COLQ: variants seen among roughly 807,000 people sequenced by gnomAD.
COLQ encodes collagen like tail subunit of asymmetric acetylcholinesterase, also known as acetylcholinesterase collagenic tail peptide.
In COLQ, 48 loss-of-function variants were observed where a neutral mutation model predicts 69.0. The ratio of observed to expected loss-of-function variants is 0.70; its 90% CI spans 0.55 to 0.88. The LOEUF (loss-of-function observed/expected upper bound fraction) is 0.88, where lower values mean the gene tolerates loss of function less well. COLQ is among the 40% of genes least tolerant of loss of function. The pLI, the probability that COLQ is intolerant of heterozygous loss-of-function variation, is 0.00. For synonymous variants in COLQ, 217 were observed against 211.2 expected, an observed-to-expected ratio of 1.03 and a Z score of -0.24; for missense variants, 618 against 594.6, an observed-to-expected ratio of 1.04 and a Z score of -0.41.
intron 1 of COLQ, among the ~76,000 whole-genome samples, chr3:15,514,169 G>C (rs2125185035): frequency 6.6e-6 from 1 of 152,310 alleles, no homozygotes; most frequent in Non-Finnish European, 1.5e-5. Context: ...CTTGATTTCA[G>C]ACTTCTGACT....
intron 12 of COLQ, 57 bp from the exon 13 acceptor site, chr3:15,458,382 CA>C (rs1324388378): frequency 6.2e-7 from 1 of 1,605,024 alleles, no homozygotes; most frequent in Admixed American, 1.7e-5. Context: ...ACCAAACAAC[CA>C]GGGAGATGTG....
intron 12 of COLQ, among the ~76,000 whole-genome samples, chr3:15,462,732 T>C (rs927092536): frequency 4.6e-5 from 7 of 152,130 alleles, no homozygotes; most frequent in African/African-American, 1.7e-4. Context: ...AGAGAGGCAA[T>C]GACCAGGGCT....
intron 10 of COLQ, among the ~76,000 whole-genome samples, chr3:15,472,161 G>T (rs969647822): frequency 6.6e-6 from 1 of 152,166 alleles, no homozygotes; most frequent in Admixed American, 6.5e-5. Flanking sequence ...AGTAAATGGT[G>T]CAGAGGACAG....
chr3:15,511,458 C>A (rs1230403784), intron 1 of COLQ, among the ~76,000 whole-genome samples: 1 of 152,228 alleles, frequency 6.6e-6, no homozygotes, highest in Non-Finnish European at 1.5e-5. Context: ...CTGGGGAAAG[C>A]ATTTCTGGGG....
chr3:15,496,802 C>T (rs555434901), intron 1 of COLQ, among the ~76,000 whole-genome samples: 4 of 152,196 alleles, frequency 2.6e-5, no homozygotes, highest in Non-Finnish European at 5.9e-5. Context: ...GGACTCAATA[C>T]CCATTCTTGA....
rs1172409117 is a variant in COLQ at position 15,456,581 on chromosome 3, T to A, written c.955-2A>T. 7 of 1,614,016 alleles carry A rather than the reference T, an allele frequency of 4.3e-6. No individual in the cohort carries two copies. Among genetic ancestry groups the A allele is most frequent in the Non-Finnish European group, 5.9e-6 (7 of 1,180,022 alleles). On this transcript the variant is annotated splice_acceptor_variant, in intron 13 of 16. Transcript: ENST00000383788. LOFTEE classifies it high-confidence loss of function. The stretch of plus-strand genomic sequence containing the variant: ...CTCCTGGTTGTTGACCACAAAAATC[T>A]GCCAGAGAACACACTGGTGAGGATT...
At chr3:15,463,900 C>T (rs1045670024) in intron 12 of COLQ, among the ~76,000 whole-genome samples, 42 of 152,302 alleles carry the variant, frequency 2.8e-4, no homozygotes, top group African/African-American at 1.0e-3. Flanking sequence ...AAATCTGATT[C>T]CCCTAACAAC....
At chr3:15,504,696 T>G (rs2062881800) in intron 1 of COLQ, among the ~76,000 whole-genome samples, 1 of 151,906 alleles carries the variant, frequency 6.6e-6, no homozygotes, top group African/African-American at 2.4e-5. Context: ...CCTTCTCTAC[T>G]AAAAAATACA....
intron 1 of COLQ, among the ~76,000 whole-genome samples, chr3:15,517,977 C>T (rs2063085058): frequency 1.3e-5 from 2 of 152,130 alleles, no homozygotes; most frequent in South Asian, 2.1e-4. Flanking sequence ...CGAAGTTTCA[C>T]TCTTGTTACC....
chr3:15,452,311 C>T (rs13093164), intron 16 of COLQ, among the ~76,000 whole-genome samples: 57,192 of 152,034 alleles, frequency 0.38, 10,829 homozygotes, highest in East Asian at 0.49. Context: ...AGGTGACCTG[C>T]CCGCCTTGGC....
intron 12 of COLQ, 95 bp downstream of exon 12, chr3:15,466,246 A>G: frequency 1.2e-6 from 1 of 848,132 alleles, no homozygotes; most frequent in Non-Finnish European, 2.0e-6. Flanking sequence ...TCTAACTTGA[A>G]ACACAAGGCA....
intron 1 of COLQ, among the ~76,000 whole-genome samples, chr3:15,516,662 C>T (rs76564784): frequency 0.18 from 27,699 of 152,164 alleles, 2,782 homozygotes; most frequent in Non-Finnish European, 0.23. Context: ...CCCCAAACAC[C>T]CTGGTTGACA....
intron 1 of COLQ, among the ~76,000 whole-genome samples, chr3:15,503,861 G>A (rs1453149202): frequency 1.3e-5 from 2 of 151,970 alleles, no homozygotes; most frequent in Non-Finnish European, 1.5e-5. Context: ...AGAATGAGCA[G>A]GAAACCTCAG....
chr3:15,466,350 G>A lies in COLQ; in HGVS notation c.805C>T (p.Pro269Ser). 1 of 1,612,218 alleles carries A rather than the reference G, an allele frequency of 6.2e-7. No homozygotes were observed. The highest frequency in any genetic ancestry group is 8.5e-7 in the Non-Finnish European group (1 of 1,178,364). ...GCAGTGTAGCTCTTACCTGCAGGTG[G>A]GGGGCCTGGGGGCCCCGGACGGCCA... ...QPGRPGPPGP[P>S]PAGQLIMGPK... Residue 269 changes from proline (P) to serine (S), a missense_variant, in exon 12 of 17, where the codon CCA becomes TCA. Physicochemically the swap from Pro to Ser is moderately conservative, Grantham distance 74. Coordinates refer to ENST00000383788, the MANE Select transcript of COLQ (RefSeq NM_005677.4).
chr3:15,511,412 C>T (rs2125179974), intron 1 of COLQ, among the ~76,000 whole-genome samples: 1 of 152,344 alleles, frequency 6.6e-6, no homozygotes, highest in South Asian at 2.1e-4. Context: ...TCTCAGGACT[C>T]CACAGCAGAG....
intron 1 of COLQ, among the ~76,000 whole-genome samples, chr3:15,514,855 G>A (rs752726064): frequency 1.3e-5 from 2 of 152,208 alleles, no homozygotes. Flanking sequence ...CAGAACGTGC[G>A]TCCAGCAGCT....
In COLQ at chr3:15,461,998, CTTATTTATTTATTTAT is replaced by C. The variant is rs71045162; in HGVS notation, c.815-3689_815-3674del. On this transcript the variant is annotated intron_variant, in intron 12 of 16. Coordinates refer to ENST00000383788, the MANE Select transcript of COLQ (RefSeq NM_005677.4). Reference sequence around the variant, plus strand: ...CAACTGGTCCCAGGCACAGGGATAACTTATTTATTTATTTATTTATTTATTTATTTATTTATTTATT... The same window carrying C: ...CAACTGGTCCCAGGCACAGGGATAACTTATTTATTTATTTATTTATTTATT... Among the ~76,000 whole-genome samples the C allele has an allele frequency of 2.0e-3, 282 of 138,014 alleles. 2 individuals carry two copies. The highest frequency in any genetic ancestry group is 7.4e-3 in the Middle Eastern group (2 of 272). 90.5% of individuals were successfully genotyped at this position (138,014 alleles called of 152,430 possible).
chr3:15,475,618 C>T (rs1477025593), intron 6 of COLQ, 131 bp from the exon 7 acceptor site: 2 of 780,348 alleles, frequency 2.6e-6, no homozygotes, highest in Non-Finnish European at 2.2e-6. Context: ...ACCCCAGATG[C>T]ACCCACTTTC....
intron 1 of COLQ, among the ~76,000 whole-genome samples, chr3:15,502,046 G>A (rs1466333216): frequency 6.6e-6 from 1 of 151,352 alleles, no homozygotes; most frequent in East Asian, 1.9e-4. Context: ...ACTCAGGAGA[G>A]TCTTGTAGAA....
Sources: gnomAD v4.1 joint callset for allele counts (sites outside exome capture counted in the v4.1 genomes callset) on GRCh38, gnomAD v4.1.1 for gene constraint, MANE v1.5 for transcripts, NCBI Gene and HGNC (gene_info 2026-07-23, HGNC 2026-07-21) for gene names.